TUBB6: variants seen among roughly 807,000 people sequenced by gnomAD.
TUBB6 encodes tubulin beta-6 chain.
Under a neutral mutation model 32.3 loss-of-function variants are expected in TUBB6, and 18 were observed. That is an observed-to-expected ratio of 0.56 (90% confidence interval 0.39 to 0.83). TUBB6 has a LOEUF of 0.83. TUBB6 is among the 40% of genes least tolerant of loss of function. The pLI, the probability that TUBB6 is intolerant of heterozygous loss-of-function variation, is 0.00. For synonymous variants in TUBB6, 280 were observed against 265.8 expected (o/e 1.05, Z -0.52); for missense variants, 480 against 632.0 (o/e 0.76, Z 2.58).
chr18:12,327,325 A>G (rs1907372131), downstream of TUBB6, among the ~76,000 whole-genome samples: 1 of 152,196 alleles, frequency 6.6e-6, no homozygotes, highest in Non-Finnish European at 1.5e-5. Context: ...GACAGGGAAT[A>G]AGAGACAGAC....
chr18:12,323,541 C>T (rs1247014355), intron 3 of TUBB6, among the ~76,000 whole-genome samples: 2 of 152,306 alleles, frequency 1.3e-5, no homozygotes, highest in East Asian at 1.9e-4. Flanking sequence ...GGCCCGGTGG[C>T]TCACACCTGT....
chr18:12,316,044 G>A (rs1298147778), intron 3 of TUBB6, among the ~76,000 whole-genome samples: 5 of 152,252 alleles, frequency 3.3e-5, no homozygotes, highest in African/African-American at 9.6e-5. Flanking sequence ...CCCCGGCCCA[G>A]TCTGCCCCAG....
chr18:12,329,215 C>T (rs1305844239), downstream of TUBB6: 6 of 702,884 alleles, frequency 8.5e-6, no homozygotes, highest in Middle Eastern at 2.3e-4. Context: ...GCATCCCTTC[C>T]CACACGCCAA....
chr18:12,323,046 C>T (rs891607395), intron 3 of TUBB6, among the ~76,000 whole-genome samples: 11 of 151,816 alleles, frequency 7.2e-5, no homozygotes, highest in Non-Finnish European at 1.5e-4. Context: ...TATCTAGTAT[C>T]TAGTTTTTTC....
At chr18:12,320,074 C>T (rs952138675) in intron 3 of TUBB6, among the ~76,000 whole-genome samples, 1 of 151,978 alleles carries the variant, frequency 6.6e-6, no homozygotes, top group African/African-American at 2.4e-5. Context: ...AAGCGTGAGC[C>T]ACCGTGCCCA....
intron 3 of TUBB6, among the ~76,000 whole-genome samples, chr18:12,313,197 G>T (rs1260632442): frequency 6.6e-6 from 1 of 152,084 alleles, no homozygotes; most frequent in Non-Finnish European, 1.5e-5. Flanking sequence ...GATGTCCATT[G>T]TCTCTACAAT....
chr18:12,326,107 G>A lies in TUBB6; in HGVS notation c.1318G>A (p.Glu440Lys). ...ANDGEEAFED[E>K]EEEIDG ...TGACGGGGAGGAAGCTTTTGAGGATGAGGAAGAGGAGATCGATGGATAGTC... is the reference window on the plus strand; with the variant it reads ...TGACGGGGAGGAAGCTTTTGAGGATAAGGAAGAGGAGATCGATGGATAGTC... Residue 440 changes from glutamate (E) to lysine (K), a missense_variant, in exon 4 of 4, where the codon GAG becomes AAG. Physicochemically the swap from Glu to Lys is moderately conservative, Grantham distance 56 (BLOSUM62 1). Coordinates refer to ENST00000317702, the MANE Select transcript of TUBB6 (RefSeq NM_032525.3). 6.2e-7 allele frequency: 1 copy of A among 1,613,572 alleles called. No homozygotes were observed. Among genetic ancestry groups the A allele is most frequent in the Non-Finnish European group, 8.5e-7 (1 of 1,179,610 alleles).
downstream of TUBB6, chr18:12,329,664 G>A (rs769883388): frequency 1.2e-6 from 2 of 1,614,166 alleles, no homozygotes; most frequent in Non-Finnish European, 8.5e-7. Flanking sequence ...CCTCATCCAA[G>A]CTGCCAGTGC....
Position 12,326,306 on chromosome 18 carries a change from A to C in TUBB6, c.*176A>C. 9.9e-7 allele frequency: 1 copy of C among 1,005,762 alleles called. No homozygotes were observed. 62.3% of individuals were successfully genotyped at this position (1,005,762 alleles called of 1,614,324 possible). ...ATCTGGAACAAAGACTAAAAACAGC[A>C]GAGAATTGCGGGTTCTACCCAGTCA... On this transcript the variant is annotated 3_prime_UTR_variant, in exon 4 of 4. Transcript: ENST00000317702.
Position 12,326,446 on chromosome 18 carries a change from T to A in TUBB6, c.*316T>A, listed in dbSNP as rs1439664532. On this transcript the variant is annotated 3_prime_UTR_variant, in exon 4 of 4. Transcript: ENST00000317702. ...AGCATGTCTGCAAATTAGGAGGGAG[T>A]TAGAAACAGTCTTTTTCATCCTTTG... 1 of 327,680 alleles carries A rather than the reference T, an allele frequency of 3.1e-6. No homozygotes were observed. The highest frequency in any genetic ancestry group is 5.6e-6 in the Non-Finnish European group (1 of 179,312). 20.3% of individuals were successfully genotyped at this position (327,680 alleles called of 1,614,324 possible). A position where few individuals can be genotyped will look rare whatever the true frequency, so the allele number is the denominator to read the frequency against.
intron 3 of TUBB6, among the ~76,000 whole-genome samples, chr18:12,311,369 G>A (rs558527483): frequency 4.9e-4 from 75 of 152,152 alleles, no homozygotes; most frequent in Admixed American, 2.1e-3. Context: ...AGGCCAAGAC[G>A]AGCGGATCAC....
At position 12,308,847 on chromosome 18, in the gene TUBB6, C is replaced by T. The variant is rs28595616; in HGVS notation, c.166+52C>T. ...CCCGGCCGGGACCCGCGTGGACGCT[C>T]CGGCGCCGCCTCTTAGCGCGGCGAG... On this transcript the variant is annotated intron_variant, in intron 2 of 3. Transcript: ENST00000317702. The T allele has an allele frequency of 9.0e-3, 11,022 of 1,222,670 alleles. 724 individuals are homozygous for T. In the African/African-American group the frequency reaches 0.15, roughly 16 times the overall value. 75.7% of individuals were successfully genotyped at this position (1,222,670 alleles called of 1,614,324 possible).
downstream of TUBB6, chr18:12,329,085 A>G: frequency 2.9e-6 from 2 of 701,676 alleles, no homozygotes; most frequent in South Asian, 3.0e-5. Flanking sequence ...TCTGGATTCA[A>G]TCTTTAAAAT....
chr18:12,317,650 G>A (rs1906746916), intron 3 of TUBB6, among the ~76,000 whole-genome samples: 1 of 152,280 alleles, frequency 6.6e-6, no homozygotes, highest in East Asian at 1.9e-4. Flanking sequence ...GGGCAGGAGT[G>A]CACAGACCCT....
In TUBB6 at chr18:12,325,996, A is replaced by G; in HGVS notation, c.1207A>G (p.Met403Val). 1.2e-6 allele frequency: 2 copies of G among 1,614,064 alleles called. No individual in the cohort carries two copies. The highest frequency in any genetic ancestry group is 1.7e-6 in the Non-Finnish European group (2 of 1,179,996). Reference sequence around the variant, plus strand: ...CCTGCACTGGTTCACGGGTGAGGGCATGGATGAAATGGAGTTCACCGAGGC... The same window carrying G: ...CCTGCACTGGTTCACGGGTGAGGGCGTGGATGAAATGGAGTTCACCGAGGC... Reference protein sequence around the residue: ...AFLHWFTGEGMDEMEFTEAES... With the variant: ...AFLHWFTGEGVDEMEFTEAES... Residue 403 changes from methionine (M) to valine (V), a missense_variant, in exon 4 of 4, where the codon ATG (methionine) becomes GTG (valine). Transcript: ENST00000317702.
downstream of TUBB6, among the ~76,000 whole-genome samples, chr18:12,327,017 G>A (rs985365671): frequency 6.6e-6 from 1 of 152,194 alleles, no homozygotes; most frequent in Non-Finnish European, 1.5e-5. Flanking sequence ...CACACCTTTG[G>A]AGTTTCCAAA....
At chr18:12,317,920 A>G (rs374539158) in intron 3 of TUBB6, among the ~76,000 whole-genome samples, 55 of 152,310 alleles carry the variant, frequency 3.6e-4, no homozygotes, top group Middle Eastern at 3.4e-3. Context: ...TCCTCCTTTC[A>G]TCAAGAGCAC....
At chr18:12,317,312 A>G (rs8098040) in intron 3 of TUBB6, among the ~76,000 whole-genome samples, 120,060 of 152,042 alleles carry the variant, frequency 0.79, 48,645 homozygotes, top group Non-Finnish European at 0.88. Flanking sequence ...GTTTTTTTAA[A>G]TTAGCTAGGC....
intron 1 of TUBB6, 118 bp downstream of exon 1, chr18:12,308,467 C>T (rs796976050): frequency 1.1e-6 from 1 of 902,202 alleles, no homozygotes; most frequent in African/African-American, 1.8e-5. Flanking sequence ...CCTCGGAGCC[C>T]GGTGCGGACC....
Sources: allele counts gnomAD v4.1 joint callset (sites outside exome capture counted in the v4.1 genomes callset), GRCh38; gene constraint gnomAD v4.1.1; transcripts MANE v1.5; gene names NCBI Gene and HGNC (gene_info 2026-07-23, HGNC 2026-07-21).